CDK12: variants seen among roughly 807,000 people sequenced by gnomAD.
CDK12 encodes cyclin dependent kinase 12, also known as cyclin-dependent kinase 12.
In CDK12, 17 loss-of-function variants were observed where a neutral mutation model predicts 133.8. The observed-to-expected ratio is 0.13, with a 90% CI of 0.09 to 0.19. The LOEUF (loss-of-function observed/expected upper bound fraction) is 0.19. Ranked by LOEUF, CDK12 falls within the 10% of genes least tolerant of loss-of-function variation. The probability of loss-of-function intolerance (pLI) is 1.00; values close to 1 mark genes in which losing one functional copy is unlikely to be tolerated. For synonymous variants in CDK12, 694 were observed against 683.6 expected (o/e 1.02, Z -0.24); for missense variants, 1,508 against 1,818.7 (o/e 0.83, Z 3.11).
chr17:39,530,424 C>T, intron 13 of CDK12, 180 bp from the exon 14 acceptor site: 1 of 788,610 alleles, frequency 1.3e-6, no homozygotes, highest in Non-Finnish European at 1.9e-6. Flanking sequence ...CAGGATGCAA[C>T]TGTTTTACTT....
chr17:39,551,364 C>CAAGTACACAAATCCAAGTA (rs1340508332), intron 2 of CDK12, among the ~76,000 whole-genome samples: 1 of 152,116 alleles, frequency 6.6e-6, no homozygotes, highest in Non-Finnish European at 1.5e-5. Flanking sequence ...ACACAAATCC[C>CAAGTACACAAATCCAAGTA]CTACAGCCCC....
intron 2 of CDK12, among the ~76,000 whole-genome samples, chr17:39,488,705 A>G (rs1358456971): frequency 2.0e-5 from 3 of 152,122 alleles, no homozygotes; most frequent in Non-Finnish European, 4.4e-5. Flanking sequence ...TTGCAGTGAT[A>G]CTTTGTGAAT....
chr17:39,469,546 C>T (rs1260764760), intron 1 of CDK12, among the ~76,000 whole-genome samples: 1 of 151,988 alleles, frequency 6.6e-6, no homozygotes, highest in Non-Finnish European at 1.5e-5. Flanking sequence ...ATTTAACTCT[C>T]TAGCTAACAA....
At chr17:39,487,709 C>T (rs2051252622) in intron 2 of CDK12, among the ~76,000 whole-genome samples, 1 of 151,320 alleles carries the variant, frequency 6.6e-6, no homozygotes, top group Non-Finnish European at 1.5e-5. Flanking sequence ...CTTGACCTCC[C>T]CAGTTCAAGC....
At chr17:39,521,819 C>T (rs1417197546) in intron 11 of CDK12, among the ~76,000 whole-genome samples, 1 of 151,944 alleles carries the variant, frequency 6.6e-6, no homozygotes, top group Admixed American at 6.6e-5. Flanking sequence ...GCCTCAGCCT[C>T]CCAAAGTGTT....
At chr17:39,484,139 T>C (rs1202046717) in intron 2 of CDK12, among the ~76,000 whole-genome samples, 2 of 152,174 alleles carry the variant, frequency 1.3e-5, no homozygotes, top group East Asian at 3.8e-4. Flanking sequence ...TCACCATTCC[T>C]GGTCTATATT....
exon 2 of CDK12, chr17:39,551,092 G>C (rs1382220354): frequency 6.6e-6 from 1 of 151,988 alleles, no homozygotes; most frequent in East Asian, 1.9e-4. Flanking sequence ...TCCTGGTATT[G>C]CTTTGTGTTC....
At chr17:39,565,270 C>T (rs1055193922), downstream of CDK12, among the ~76,000 whole-genome samples, 9 of 152,164 alleles carry the variant, frequency 5.9e-5, no homozygotes, top group Non-Finnish European at 1.0e-4. Context: ...CCCGCCACCA[C>T]GCCCAGCTAA....
chr17:39,491,739 G>C (rs1002428303), intron 3 of CDK12, among the ~76,000 whole-genome samples: 1 of 132,154 alleles, frequency 7.6e-6, no homozygotes, highest in Admixed American at 8.4e-5. Flanking sequence ...GTCTCCCTCT[G>C]TCACCCAGGC....
intron 10 of CDK12, 145 bp from the exon 11 acceptor site, chr17:39,519,811 G>A: frequency 1.4e-6 from 1 of 691,320 alleles, no homozygotes. Context: ...TGCCCAGGTT[G>A]ATCTCAAACT....
In CDK12 at chr17:39,532,026, G is replaced by A. The variant is rs143371759; in HGVS notation, c.*710G>A. ...CTGCACATAAAGCAGGTTGTAGAAC[G>A]TGGCATTCTTGGGCAAGTAGGTAGA... On this transcript the variant is annotated 3_prime_UTR_variant, in exon 14 of 14. Transcript: ENST00000447079. 48 of 233,600 alleles carry A rather than the reference G, an allele frequency of 2.1e-4. 1 individual carries two copies. Among genetic ancestry groups the A allele is most frequent in the African/African-American group, 8.2e-4 (37 of 45,344 alleles). The allele number at this position is 233,600 out of a possible 1,614,324, so 14.5% of individuals were successfully genotyped here.
At chr17:39,512,931 G>T (rs1310933735) in intron 8 of CDK12, among the ~76,000 whole-genome samples, 2 of 152,050 alleles carry the variant, frequency 1.3e-5, no homozygotes, top group Admixed American at 6.6e-5. Context: ...ATCCATTGTG[G>T]TTATTATCCT....
intron 3 of CDK12, among the ~76,000 whole-genome samples, chr17:39,559,715 C>T (rs187828424): frequency 9.9e-5 from 15 of 152,092 alleles, no homozygotes; most frequent in Admixed American, 8.5e-4. Flanking sequence ...GGCATGCTCC[C>T]ATAGTCCCAG....
At chr17:39,503,660 T>C (rs2052889712) in intron 6 of CDK12, among the ~76,000 whole-genome samples, 1 of 152,170 alleles carries the variant, frequency 6.6e-6, no homozygotes, top group South Asian at 2.1e-4. Flanking sequence ...GGTTCCAGAC[T>C]AAATTGAATT....
chr17:39,517,164 G>A (rs2053867201), intron 9 of CDK12, among the ~76,000 whole-genome samples: 1 of 152,048 alleles, frequency 6.6e-6, no homozygotes, highest in Non-Finnish European at 1.5e-5. Flanking sequence ...AAACCTGTAT[G>A]GGGGGATTAA....
At position 39,462,722 on chromosome 17, in the gene CDK12, A is replaced by T. The variant is rs777386450; in HGVS notation, c.651A>T (p.Lys217Asn). 4.3e-6 allele frequency: 7 copies of T among 1,614,036 alleles called. No homozygotes were observed. The African/African-American group carries it at 9.3e-5, about 22-fold the overall frequency. Residue 217 changes from lysine (K) to asparagine (N), a missense_variant, in exon 1 of 14, where the codon AAA becomes AAT. Around this residue, in one of 9 missense-constraint regions of CDK12, gnomAD observed 460 missense variants for 490.8 expected, o/e 0.94. Transcript: ENST00000447079. ...GTTACAAAACAGTGGACAGCCCAAA[A>T]CGGAGATCCAGGAGCCCCCACAGGA... Reference protein sequence around the residue: ...PKSYKTVDSPKRRSRSPHRKW... With the variant: ...PKSYKTVDSPNRRSRSPHRKW...
upstream of CDK12, among the ~76,000 whole-genome samples, chr17:39,543,314 C>G (rs893559979): frequency 5.3e-5 from 8 of 152,210 alleles, no homozygotes; most frequent in Non-Finnish European, 1.2e-4. Flanking sequence ...ATAGTGTGTT[C>G]AGTTGGCTGA....
At chr17:39,565,855 C>T (rs1240328007), downstream of CDK12, among the ~76,000 whole-genome samples, 1 of 152,196 alleles carries the variant, frequency 6.6e-6, no homozygotes, top group Non-Finnish European at 1.5e-5. Context: ...GGTACTTCCC[C>T]ATTTTTCAGT....
chr17:39,507,015 G>C (rs1057506809), intron 6 of CDK12, among the ~76,000 whole-genome samples: 7 of 151,878 alleles, frequency 4.6e-5, no homozygotes, highest in African/African-American at 1.7e-4. Context: ...TCCCACCTCA[G>C]CCTCCCAAGT....
Sources: allele counts gnomAD v4.1 joint callset (sites outside exome capture counted in the v4.1 genomes callset), GRCh38; gene constraint gnomAD v4.1.1; regional missense constraint gnomAD v4.1.1; transcripts MANE v1.5; gene names NCBI Gene and HGNC (gene_info 2026-07-23, HGNC 2026-07-21).